The following PLPPR1 variants were observed in gnomAD, a reference collection of about 807,000 sequenced individuals.
PLPPR1 encodes the protein phospholipid phosphatase related 1.
PLPPR1 carries 10 observed loss-of-function variants against 33.1 expected under a neutral mutation model. That is an observed-to-expected ratio of 0.30 (90% CI 0.19 to 0.51). The LOEUF (loss-of-function observed/expected upper bound fraction) is 0.51, where lower values mean the gene tolerates loss of function less well. PLPPR1 is among the 20% of genes least tolerant of loss of function. The pLI is 0.97. For missense variants in PLPPR1, 304 were observed against 408.1 expected, an observed-to-expected ratio of 0.74 and a Z score of 2.20; for synonymous variants, 151 against 151.0, an observed-to-expected ratio of 1.00 and a Z score of 0.00.
chr9:101,126,616 T>A (rs1831249457), intron 1 of PLPPR1, among the ~76,000 whole-genome samples: 1 of 152,230 alleles, frequency 6.6e-6, no homozygotes, highest in South Asian at 2.1e-4. Flanking sequence ...GTTTTAATGT[T>A]GCAGCTACAG....
rs1004366148 is a variant in PLPPR1 at position 101,164,958 on chromosome 9, G to T, written c.-45-20492G>T. Among the ~76,000 whole-genome samples the T allele has an allele frequency of 3.3e-5, 5 of 152,028 alleles. No homozygotes were observed. The South Asian group carries it at 6.2e-4, about 19-fold the overall frequency. ...AGGGGGTTGGAGGTGAGAGGAGAGG[G>T]AGTTGGAGCTAAAGGCAAACTTTTA... is the stretch of plus-strand genomic sequence containing the variant. On this transcript the variant is annotated intron_variant, in intron 1 of 7. Coordinates refer to ENST00000374874, the MANE Select transcript of PLPPR1 (RefSeq NM_207299.2).
Position 101,185,443 on chromosome 9 carries a change from A to C in PLPPR1, c.-45-7A>C. The C allele has an allele frequency of 1.8e-6, 2 of 1,139,328 alleles. No homozygotes were observed. Among genetic ancestry groups the C allele is most frequent in the Non-Finnish European group, 2.6e-6 (2 of 760,392 alleles). The allele number at this position is 1,139,328 out of a possible 1,614,324, so 70.6% of individuals were successfully genotyped here. A position where few individuals can be genotyped will look rare whatever the true frequency, so the allele number is the denominator to read the frequency against. ...TTCTTATACTATGCAACCTATTTCT[A>C]TTTCAGCCTGGACAGTTTTTGACGG... is the stretch of plus-strand genomic sequence containing the variant. On this transcript the variant is annotated splice_polypyrimidine_tract_variant and splice_region_variant and intron_variant, in intron 1 of 7. Coordinates refer to ENST00000374874, the MANE Select transcript of PLPPR1 (RefSeq NM_207299.2).
chr9:101,312,344 C>T (rs1361317798), intron 5 of PLPPR1, among the ~76,000 whole-genome samples: 2 of 152,088 alleles, frequency 1.3e-5, no homozygotes, highest in Non-Finnish European at 2.9e-5. Flanking sequence ...TTTGGGGACA[C>T]AAAAAATAAA....
rs560368461 is a variant in PLPPR1, at chr9:101,283,117, G to C, written c.253-2987G>C. ...CTTCCAAAGTGCTACGATCACAGCCGTGAGCCACCACACCCAGCTATCAAT... is the reference window on the plus strand; with the variant it reads ...CTTCCAAAGTGCTACGATCACAGCCCTGAGCCACCACACCCAGCTATCAAT... On this transcript the variant is annotated intron_variant, in intron 3 of 7. Transcript: ENST00000374874. 2.7e-4 allele frequency among the ~76,000 whole-genome samples: 41 copies of C among 152,106 alleles called. No homozygotes were observed. The Middle Eastern group carries it at 0.014, about 50-fold the overall frequency.
intron 2 of PLPPR1, 51 bp downstream of exon 2, chr9:101,185,608 T>G: frequency 1.8e-6 from 2 of 1,142,496 alleles, no homozygotes; most frequent in Non-Finnish European, 2.6e-6. Context: ...AAGTAACAGT[T>G]TTTATTCTGA....
intron 1 of PLPPR1, among the ~76,000 whole-genome samples, chr9:101,139,941 A>C (rs1831427872): frequency 6.6e-6 from 1 of 152,186 alleles, no homozygotes; most frequent in Non-Finnish European, 1.5e-5. Flanking sequence ...AGAGTCTATG[A>C]TCTGAAACAG....
chr9:101,172,353 GA>G (rs55644832), intron 1 of PLPPR1, among the ~76,000 whole-genome samples: 21,422 of 148,290 alleles, frequency 0.14, 1,723 homozygotes, highest in Non-Finnish European at 0.18. Context: ...CACTAAAGGG[GA>G]AAAAAAAAAA....
chr9:101,292,573 T>G (rs1175921323), intron 4 of PLPPR1, among the ~76,000 whole-genome samples: 1 of 129,322 alleles, frequency 7.7e-6, no homozygotes, highest in Non-Finnish European at 1.6e-5. Flanking sequence ...GGGAAGCCCA[T>G]CAGACTAACA....
intron 1 of PLPPR1, among the ~76,000 whole-genome samples, chr9:101,135,492 C>G (rs182441839): frequency 7.9e-5 from 12 of 152,256 alleles, no homozygotes; most frequent in Admixed American, 3.9e-4. Context: ...GTTTGGTTTT[C>G]CTACGGTGTA....
intron 1 of PLPPR1, among the ~76,000 whole-genome samples, chr9:101,032,998 T>C (rs748008724): frequency 4.6e-5 from 7 of 152,178 alleles, no homozygotes; most frequent in African/African-American, 9.7e-5. Flanking sequence ...TAATATACAT[T>C]GTGAAAACTT....
intron 2 of PLPPR1, among the ~76,000 whole-genome samples, chr9:101,214,751 G>A (rs765140964): frequency 3.3e-5 from 5 of 152,098 alleles, no homozygotes; most frequent in Admixed American, 6.5e-5. Context: ...GGTCAGGTGC[G>A]GTGCATCATG....
intron 4 of PLPPR1, among the ~76,000 whole-genome samples, chr9:101,305,245 G>A (rs1202013985): frequency 1.3e-5 from 2 of 152,114 alleles, no homozygotes; most frequent in African/African-American, 2.4e-5. Context: ...GCGCAAGTGT[G>A]TGTATGTGTG....
intron 7 of PLPPR1, 50 bp downstream of exon 7, chr9:101,317,546 GGAGGTCA>G: frequency 2.5e-6 from 4 of 1,575,164 alleles, no homozygotes; most frequent in Non-Finnish European, 2.6e-6. Context: ...GAACACTTTG[GGAGGTCA>G]GTATCAATCC....
At chr9:101,095,135 C>T (rs1427035168) in intron 1 of PLPPR1, among the ~76,000 whole-genome samples, 4 of 152,164 alleles carry the variant, frequency 2.6e-5, no homozygotes, top group Non-Finnish European at 4.4e-5. Context: ...CCATTAGTAC[C>T]ATGTTTTCCA....
chr9:101,160,304 A>G (rs1198313361), intron 1 of PLPPR1, among the ~76,000 whole-genome samples: 1 of 152,188 alleles, frequency 6.6e-6, no homozygotes, highest in African/African-American at 2.4e-5. Context: ...ACTTTCTTTC[A>G]CAGTAAAATG....
intron 1 of PLPPR1, among the ~76,000 whole-genome samples, chr9:101,146,625 C>G (rs114933745): frequency 6.6e-6 from 1 of 152,192 alleles, no homozygotes; most frequent in African/African-American, 2.4e-5. Context: ...GTTCCAAGCA[C>G]GAAGTGCAGA....
rs1826199515 is a variant in PLPPR1, at chr9:101,186,166, T to C, written c.63+609T>C. Among the ~76,000 whole-genome samples the C allele has an allele frequency of 2.6e-5, 4 of 151,890 alleles. 1 individual carries two copies. The highest frequency in any genetic ancestry group is 2.6e-4 in the Admixed American group (4 of 15,192). On this transcript the variant is annotated intron_variant, in intron 2 of 7. Transcript: ENST00000374874. Reference sequence around the variant, plus strand: ...TAAATTTCCTGAACTCCTTTTGTACTCTACCTCTGTTTCTATGTTTGCTAT... The same window carrying C: ...TAAATTTCCTGAACTCCTTTTGTACCCTACCTCTGTTTCTATGTTTGCTAT...
chr9:101,294,420 GAA>G (rs1274831296), intron 4 of PLPPR1, among the ~76,000 whole-genome samples: 3 of 151,928 alleles, frequency 2.0e-5, no homozygotes, highest in Non-Finnish European at 2.9e-5. Flanking sequence ...CCAATCAATA[GAA>G]AAAGAGGGAA....
chr9:101,108,957 A>G (rs955340032), intron 1 of PLPPR1, among the ~76,000 whole-genome samples: 6 of 123,262 alleles, frequency 4.9e-5, no homozygotes, highest in Non-Finnish European at 6.5e-5. Context: ...TTTGTCTTCA[A>G]TAATTTTTTT....
Sources: allele counts gnomAD v4.1 joint callset (sites outside exome capture counted in the v4.1 genomes callset), GRCh38; gene constraint gnomAD v4.1.1; transcripts MANE v1.5; gene names NCBI Gene and HGNC (gene_info 2026-07-23, HGNC 2026-07-21).